The following PRDM8 variants were observed in gnomAD, a reference collection of about 807,000 sequenced individuals.
PRDM8 encodes the protein PR/SET domain 8.
Under a neutral mutation model 46.5 loss-of-function variants are expected in PRDM8, and 13 were observed. That is an observed-to-expected ratio of 0.28 (90% CI 0.18 to 0.44). PRDM8 has a LOEUF of 0.44. Among genes scored for constraint, PRDM8 ranks in the 20% least tolerant of loss-of-function variants. The probability of loss-of-function intolerance (pLI) is 1.00; values close to 1 mark genes in which losing one functional copy is unlikely to be tolerated. For missense variants in PRDM8, 998 were observed against 955.0 expected (o/e 1.04, Z -0.59); for synonymous variants, 473 against 438.4 (o/e 1.08, Z -0.98).
At chr4:80,197,392 C>A, upstream of PRDM8, 1 of 977,550 alleles carries the variant, frequency 1.0e-6, no homozygotes, top group Non-Finnish European at 1.2e-6. Flanking sequence ...CAGGCGGCGC[C>A]GGAGGGAGCG....
chr4:80,197,630 G>T lies in PRDM8; in HGVS notation c.-136G>T. 1 of 980,766 alleles carries T rather than the reference G, an allele frequency of 1.0e-6. No homozygotes were observed. Among genetic ancestry groups the T allele is most frequent in the Non-Finnish European group, 1.2e-6 (1 of 827,184 alleles). The allele number at this position is 980,766 out of a possible 1,614,324, so 60.8% of individuals were successfully genotyped here. On this transcript the variant is annotated 5_prime_UTR_variant, in exon 1 of 4. Coordinates refer to ENST00000415738, the MANE Select transcript of PRDM8 (RefSeq NM_001099403.2). The stretch of plus-strand genomic sequence containing the variant: ...TCTCTCTCTTATCTCTTCAGGAAGA[G>T]CCTAAAAGGCGGCAACACCAACACC...
upstream of PRDM8, chr4:80,196,822 C>T: frequency 1.2e-6 from 1 of 865,068 alleles, no homozygotes; most frequent in Non-Finnish European, 1.4e-6. Flanking sequence ...CCTCCGCCCA[C>T]GTACCCGTGT....
upstream of PRDM8, chr4:80,197,008 G>A: frequency 1.0e-6 from 1 of 985,434 alleles, no homozygotes. Context: ...GACGACGCCC[G>A]TTTATCACCC....
intron 1 of PRDM8, among the ~76,000 whole-genome samples, chr4:80,198,980 G>GTTTTTTTTTTTTGTTTTT (rs1738192293): frequency 9.6e-6 from 1 of 104,188 alleles, no homozygotes; most frequent in Non-Finnish European, 1.9e-5. Flanking sequence ...GTTTTTTTGG[G>GTTTTTTTTTTTTGTTTTT]TTTTTTTTTT....
chr4:80,196,352 G>T, upstream of PRDM8: 4 of 985,420 alleles, frequency 4.1e-6, no homozygotes, highest in Non-Finnish European at 4.8e-6. Flanking sequence ...CTTCCTTTAG[G>T]AGTAGAGAAT....
upstream of PRDM8, among the ~76,000 whole-genome samples, chr4:80,194,939 G>C (rs189016648): frequency 6.6e-4 from 101 of 152,226 alleles, no homozygotes; most frequent in East Asian, 0.019. Flanking sequence ...TGGAGTCAAG[G>C]TTTTAGTACC....
intron 1 of PRDM8, among the ~76,000 whole-genome samples, chr4:80,198,994 G>GTT (rs1310531623): frequency 2.0e-4 from 13 of 63,506 alleles, no homozygotes; most frequent in African/African-American, 5.2e-4. Context: ...TTTTTTTTTT[G>GTT]TTTTTTTTTT....
Position 80,202,172 on chromosome 4 carries a change from C to T in PRDM8, c.710C>T (p.Pro237Leu), listed in dbSNP as rs1738530929. The change falls in exon 4 of 4, where the codon CCA (proline) becomes CTA (leucine). Residue 237 changes from proline to leucine, a missense_variant. By Grantham distance (98) the Pro-to-Leu change is moderately conservative (BLOSUM62 -3). Transcript: ENST00000415738. ...AAAGCCGGCCCCCTCCACCACTACC[C>T]ATCCCCCTCCCCGGAAAGCAGCAAC... Reference protein sequence around the residue: ...FCKAGPLHHYPSPSPESSNPS... With the variant: ...FCKAGPLHHYLSPSPESSNPS... 1 of 1,611,324 alleles carries T rather than the reference C, an allele frequency of 6.2e-7. No homozygotes were observed. Among genetic ancestry groups the T allele is most frequent in the Non-Finnish European group, 8.5e-7 (1 of 1,179,576 alleles).
chr4:80,187,244 T>TGCGG lies in PRDM8; in HGVS notation c.-983+1727_-983+1728insCGGG, dbSNP rs60061648. On this transcript the variant is annotated intron_variant, in intron 1 of 9. Coordinates refer to the PRDM8 transcript ENST00000339711. ...GTTGCTGTATCAGCATTCTCTGCCC[T>TGCGG]GGGGCGGGGGGAAGCAGAAGAATAT... 3.6e-4 allele frequency among the ~76,000 whole-genome samples: 32 copies of TGCGG among 89,924 alleles called. 1 individual carries two copies. Among genetic ancestry groups the TGCGG allele is most frequent in the African/African-American group, 6.5e-4 (15 of 23,022 alleles). The allele number at this position is 89,924 out of a possible 152,430, so 59.0% of individuals were successfully genotyped here.
Position 80,202,471 on chromosome 4 carries a change from G to A in PRDM8, c.1009G>A (p.Val337Ile), listed in dbSNP as rs1374485795. 14 of 1,542,552 alleles carry A rather than the reference G, an allele frequency of 9.1e-6. No individual in the cohort carries two copies. Among genetic ancestry groups the A allele is most frequent in the Admixed American group, 2.0e-5 (1 of 50,694 alleles). ...TCTGGTAGGGGGCCGGGGCCGCTTC[G>A]TAGAGCGGCCCCTCCCGGCCTCCAA... ...AGLVGGRGRF[V>I]ERPLPASKED... Residue 337 changes from valine to isoleucine, a missense_variant, in exon 4 of 4, where the codon GTA becomes ATA. Transcript: ENST00000415738.
intron 1 of PRDM8, among the ~76,000 whole-genome samples, chr4:80,188,053 C>A (rs532837782): frequency 6.6e-6 from 1 of 152,208 alleles, no homozygotes; most frequent in East Asian, 1.9e-4. Context: ...CCAGGAGGAC[C>A]CGCATTCAGC....
Position 80,203,127 on chromosome 4 carries a change from G to A in PRDM8, c.1665G>A (p.Leu555=), listed in dbSNP as rs995440313. ...TGAAGCTCCAGGGGGCCGCGGACCT[G>A]AACGGAGGTTGCGGGTCCCTGCCGA... The part of the protein sequence containing the change: ...LAVKLQGAAD[L]NGGCGSLPSG... Residue 555 remains leucine, a synonymous_variant, in exon 4 of 4, where the codon CTG becomes CTA. Transcript: ENST00000415738. 4.5e-6 allele frequency: 7 copies of A among 1,564,988 alleles called. No individual in the cohort carries two copies. The highest frequency in any genetic ancestry group is 5.2e-6 in the Non-Finnish European group (6 of 1,163,532).
At chr4:80,201,566 G>T in intron 3 of PRDM8, 45 bp downstream of exon 3, 1 of 1,578,248 alleles carries the variant, frequency 6.3e-7, no homozygotes, top group Non-Finnish European at 8.7e-7. Flanking sequence ...ACTAGCGGGG[G>T]AGAGACGCAG....
chr4:80,201,251 CTCTCCT>C lies in PRDM8; in HGVS notation c.220-35_220-30del, dbSNP rs777149385. 6 of 1,575,432 alleles carry C rather than the reference CTCTCCT, an allele frequency of 3.8e-6. No individual in the cohort carries two copies. The East Asian group carries it at 1.4e-4, about 35-fold the overall frequency. ...TTCCCTCATGAGGGTCCCTCTCCCC[CTCTCCT>C]TCTTGTCTTCTTTCATTTATTTCAA... On this transcript the variant is annotated intron_variant, in intron 2 of 3. Coordinates refer to ENST00000415738, the MANE Select transcript of PRDM8 (RefSeq NM_001099403.2).
Position 80,203,082 on chromosome 4 carries a change from C to T in PRDM8, c.1620C>T (p.Ala540=). The change falls in exon 4 of 4, where the codon GCC becomes GCT. Residue 540 remains alanine, a synonymous_variant. Coordinates refer to ENST00000415738, the MANE Select transcript of PRDM8 (RefSeq NM_001099403.2). The part of the protein sequence containing the change: ...DGVGPTRLYP[A]AADPLAVKLQ... ...TGGGCCCCACCAGACTCTATCCCGC[C>T]GCCGCGGACCCTCTAGCGGTGAAGC... 1 of 1,568,988 alleles carries T rather than the reference C, an allele frequency of 6.4e-7. No homozygotes were observed. The highest frequency in any genetic ancestry group is 8.6e-7 in the Non-Finnish European group (1 of 1,166,628).
At chr4:80,201,809 G>T in intron 3 of PRDM8, 105 bp from the exon 4 acceptor site, 2 of 1,512,578 alleles carry the variant, frequency 1.3e-6, no homozygotes, top group South Asian at 1.2e-5. Context: ...TTTGTCAAGG[G>T]GATGGTGGCA....
chr4:80,187,800 A>G (rs1737237653), intron 1 of PRDM8, among the ~76,000 whole-genome samples: 1 of 152,126 alleles, frequency 6.6e-6, no homozygotes, highest in Admixed American at 6.5e-5. Flanking sequence ...TCTGTAACAT[A>G]AAGTCACTCA....
chr4:80,202,922 G>A lies in PRDM8; in HGVS notation c.1460G>A (p.Gly487Asp), dbSNP rs905720837. 1.4e-6 allele frequency: 2 copies of A among 1,381,328 alleles called. No individual in the cohort carries two copies. The highest frequency in any genetic ancestry group is 3.0e-5 in the African/African-American group (2 of 66,124). The allele number at this position is 1,381,328 out of a possible 1,614,324, so 85.6% of individuals were successfully genotyped here. Residue 487 changes from glycine to aspartate, a missense_variant, in exon 4 of 4, where the codon GGC becomes GAC. Transcript: ENST00000415738. ...GGCGCCGGGGCCGCAGGCGGCGCGG[G>A]CGGGGGCCAGGGCGCCGCGTCGGAC... ...GTGAGAAGGA[G>D]GGQGAASDER... is the part of the protein sequence containing the mutation.
rs944679589 is a variant in PRDM8, at chr4:80,202,596, G to A, written c.1134G>A (p.Thr378=). ...GRLFAPPSPE[T]GEAKRSAFVE... is the part of the protein sequence containing the mutation. ...TCTTCGCGCCGCCAAGTCCCGAGACGGGCGAGGCGAAGCGCAGCGCCTTCG... is the reference window on the plus strand; with the variant it reads ...TCTTCGCGCCGCCAAGTCCCGAGACAGGCGAGGCGAAGCGCAGCGCCTTCG... Residue 378 remains threonine, a synonymous_variant, in exon 4 of 4, where the codon ACG becomes ACA. Coordinates refer to ENST00000415738, the MANE Select transcript of PRDM8 (RefSeq NM_001099403.2). The A allele has an allele frequency of 1.8e-5, 27 of 1,532,850 alleles. No homozygotes were observed. The highest frequency in any genetic ancestry group is 1.4e-4 in the Admixed American group (7 of 50,802). The allele number at this position is 1,532,850 out of a possible 1,614,324, so 95.0% of individuals were successfully genotyped here. A position where few individuals can be genotyped will look rare whatever the true frequency, so the allele number is the denominator to read the frequency against.
Sources: gnomAD v4.1 joint callset for allele counts (sites outside exome capture counted in the v4.1 genomes callset) on GRCh38, gnomAD v4.1.1 for gene constraint, MANE v1.5 for transcripts, NCBI Gene and HGNC (gene_info 2026-07-23, HGNC 2026-07-21) for gene names.